Variants in KCNN2 observed in about 807,000 individuals in gnomAD.
KCNN2 encodes potassium calcium-activated channel subfamily N member 2, also known as small conductance calcium-activated potassium channel protein 2.
A neutral mutation model predicts 55.5 loss-of-function variants in KCNN2; 24 were observed. The ratio of observed to expected loss-of-function variants is 0.43; its 90% CI spans 0.31 to 0.61. KCNN2 has a LOEUF of 0.61. Among genes scored for constraint, KCNN2 ranks in the 20% least tolerant of loss-of-function variants. The pLI, the probability that KCNN2 is intolerant of heterozygous loss-of-function variation, is 0.08. For missense variants in KCNN2, 754 were observed against 853.6 expected, an observed-to-expected ratio of 0.88 and a Z score of 1.45; for synonymous variants, 431 against 336.1, an observed-to-expected ratio of 1.28 and a Z score of -3.09.
chr5:114,058,285 A>G (rs190281753), intron 1 of KCNN2, among the ~76,000 whole-genome samples: 32 of 152,234 alleles, frequency 2.1e-4, no homozygotes, highest in African/African-American at 7.5e-4. Flanking sequence ...ATAACGTTAT[A>G]TAAATGGGAA....
chr5:114,443,640 CA>C (rs1159957496), intron 3 of KCNN2, among the ~76,000 whole-genome samples: 1 of 152,228 alleles, frequency 6.6e-6, no homozygotes, highest in African/African-American at 2.4e-5. Flanking sequence ...TTTCTGCCCT[CA>C]GGGGCTCTCA....
intron 1 of KCNN2, among the ~76,000 whole-genome samples, chr5:114,118,651 G>T (rs1189716425): frequency 6.6e-6 from 1 of 151,988 alleles, no homozygotes; most frequent in Non-Finnish European, 1.5e-5. Flanking sequence ...CAAGTATGCT[G>T]ATTTGCATGT....
chr5:114,098,247 C>T (rs1580510408), intron 1 of KCNN2, among the ~76,000 whole-genome samples: 1 of 152,188 alleles, frequency 6.6e-6, no homozygotes, highest in Non-Finnish European at 1.5e-5. Context: ...ATCATATCTG[C>T]AAAGTCCCTT....
chr5:114,398,984 G>T (rs954490741), intron 2 of KCNN2, among the ~76,000 whole-genome samples: 1 of 152,134 alleles, frequency 6.6e-6, no homozygotes, highest in Non-Finnish European at 1.5e-5. Flanking sequence ...CATGTCACCT[G>T]CAAACAGGGA....
intron 2 of KCNN2, among the ~76,000 whole-genome samples, chr5:114,279,008 C>A (rs932464640): frequency 1.5e-5 from 1 of 68,792 alleles, no homozygotes; most frequent in Non-Finnish European, 3.1e-5. Flanking sequence ...TTGGAAGCAA[C>A]CCCCTAGTTC....
intron 3 of KCNN2, among the ~76,000 whole-genome samples, chr5:114,425,369 A>T (rs1759589723): frequency 6.6e-6 from 1 of 152,164 alleles, no homozygotes; most frequent in South Asian, 2.1e-4. Flanking sequence ...AAATTTCTGG[A>T]CTGTGCTAAT....
intron 1 of KCNN2, among the ~76,000 whole-genome samples, chr5:114,206,452 A>G (rs1753778078): frequency 6.6e-6 from 1 of 152,100 alleles, no homozygotes; most frequent in African/African-American, 2.4e-5. Context: ...CATCTTCTCT[A>G]TCTCAGCTCT....
Position 114,231,698 on chromosome 5 carries a change from C to T in KCNN2, c.-185+10133C>T, listed in dbSNP as rs368201589. Among the ~76,000 whole-genome samples, 19 of 151,214 alleles carry T rather than the reference C, an allele frequency of 1.3e-4. No individual in the cohort carries two copies. The East Asian group carries it at 2.1e-3, about 17-fold the overall frequency. On this transcript the variant is annotated intron_variant, in intron 2 of 10. Coordinates refer to the KCNN2 transcript ENST00000512097. ...AAGTTTGCCAGTGACAGTATGAAAACTATGACAGCCAATTAAGGGAAAATT... is the reference window on the plus strand; with the variant it reads ...AAGTTTGCCAGTGACAGTATGAAAATTATGACAGCCAATTAAGGGAAAATT...
chr5:114,427,288 T>A (rs1293691768), intron 3 of KCNN2, among the ~76,000 whole-genome samples: 2 of 152,170 alleles, frequency 1.3e-5, no homozygotes, highest in Admixed American at 6.5e-5. Context: ...AATAAAAAAA[T>A]TTTGACATGT....
chr5:114,470,294 T>C (rs185459256), intron 4 of KCNN2, among the ~76,000 whole-genome samples: 1 of 152,276 alleles, frequency 6.6e-6, no homozygotes, highest in East Asian at 1.9e-4. Context: ...TACCCTCTCA[T>C]AGCTGTCTCT....
intron 4 of KCNN2, among the ~76,000 whole-genome samples, chr5:114,464,329 A>C (rs1391936572): frequency 2.0e-5 from 3 of 152,346 alleles, no homozygotes; most frequent in Admixed American, 2.0e-4. Context: ...GCTTACAGCA[A>C]AGAGTGTCAT....
intron 1 of KCNN2, among the ~76,000 whole-genome samples, chr5:114,144,765 C>A (rs996162559): frequency 3.5e-5 from 5 of 141,190 alleles, no homozygotes; most frequent in African/African-American, 1.3e-4. Flanking sequence ...TTGTTGGATT[C>A]CATATAGACA....
chr5:114,367,951 T>C (rs1580755451), intron 2 of KCNN2, among the ~76,000 whole-genome samples: 1 of 152,288 alleles, frequency 6.6e-6, no homozygotes, highest in East Asian at 1.9e-4. Flanking sequence ...TGGCAGATGA[T>C]ATACTTTGAA....
At chr5:114,114,255 G>T (rs1413513392) in intron 1 of KCNN2, among the ~76,000 whole-genome samples, 2 of 152,006 alleles carry the variant, frequency 1.3e-5, no homozygotes, top group African/African-American at 2.4e-5. Context: ...TTAGAGACAG[G>T]TCTCACTCTT....
intron 2 of KCNN2, among the ~76,000 whole-genome samples, chr5:114,266,736 C>T (rs553591047): frequency 6.6e-6 from 1 of 152,290 alleles, no homozygotes; most frequent in East Asian, 1.9e-4. Context: ...TTCTTCGTTG[C>T]ACACCATTTG....
chr5:114,139,363 A>G (rs767503500), intron 1 of KCNN2, among the ~76,000 whole-genome samples: 1 of 151,886 alleles, frequency 6.6e-6, no homozygotes, highest in Non-Finnish European at 1.5e-5. Flanking sequence ...CTGACATTAT[A>G]TGATGCACAG....
chr5:114,210,913 G>A (rs1320089891), intron 1 of KCNN2, among the ~76,000 whole-genome samples: 2 of 152,060 alleles, frequency 1.3e-5, no homozygotes, highest in Non-Finnish European at 2.9e-5. Flanking sequence ...AGGTGTTACA[G>A]AACAGACACT....
intron 3 of KCNN2, among the ~76,000 whole-genome samples, chr5:114,438,514 G>A (rs767571261): frequency 5.9e-5 from 9 of 152,230 alleles, no homozygotes; most frequent in African/African-American, 9.6e-5. Flanking sequence ...CTAATTTCAC[G>A]CCTCACTTAA....
At chr5:114,128,146 C>T (rs1391501349) in intron 1 of KCNN2, among the ~76,000 whole-genome samples, 3 of 152,092 alleles carry the variant, frequency 2.0e-5, no homozygotes, top group Non-Finnish European at 4.4e-5. Context: ...ATAACAGCAC[C>T]CCACTACCTG....
Sources: gnomAD v4.1 joint callset for allele counts (sites outside exome capture counted in the v4.1 genomes callset) on GRCh38, gnomAD v4.1.1 for gene constraint, MANE v1.5 for transcripts, NCBI Gene and HGNC (gene_info 2026-07-23, HGNC 2026-07-21) for gene names.